The following ROBO1 variants were observed in gnomAD, a reference collection of about 807,000 sequenced individuals.
ROBO1 encodes roundabout homolog 1.
In ROBO1, 149 loss-of-function variants were observed where a neutral mutation model predicts 195.9. The ratio of observed to expected loss-of-function variants is 0.76; its 90% CI spans 0.67 to 0.87. ROBO1 has a LOEUF of 0.87. Among genes scored for constraint, ROBO1 ranks in the 40% least tolerant of loss-of-function variants. The pLI, the probability that ROBO1 is intolerant of heterozygous loss-of-function variation, is 0.00. For synonymous variants in ROBO1, 816 were observed against 733.2 expected, an observed-to-expected ratio of 1.11 and a Z score of -1.82; for missense variants, 1,933 against 2,068.3, an observed-to-expected ratio of 0.93 and a Z score of 1.27.
intron 2 of ROBO1, among the ~76,000 whole-genome samples, chr3:79,236,949 A>G (rs986292788): frequency 6.6e-5 from 10 of 152,124 alleles, no homozygotes; most frequent in African/African-American, 1.9e-4. Flanking sequence ...ACCTTGACTA[A>G]AAGAAGCCAA....
intron 3 of ROBO1, among the ~76,000 whole-genome samples, chr3:79,096,370 AT>A (rs1241698641): frequency 2.0e-5 from 3 of 151,970 alleles, no homozygotes; most frequent in Non-Finnish European, 4.4e-5. Context: ...AAGTAAATAA[AT>A]AGAGATGACA....
chr3:79,320,818 T>C (rs1398559800), intron 2 of ROBO1, among the ~76,000 whole-genome samples: 1 of 152,232 alleles, frequency 6.6e-6, no homozygotes, highest in African/African-American at 2.4e-5. Flanking sequence ...GAATCAGAGA[T>C]AAGTATTTAA....
chr3:79,498,631 A>T (rs988377497), intron 2 of ROBO1, among the ~76,000 whole-genome samples: 2 of 152,164 alleles, frequency 1.3e-5, no homozygotes, highest in Non-Finnish European at 2.9e-5. Flanking sequence ...AGGCAGGTGG[A>T]TTACCTGAGG....
At chr3:79,378,354 G>A (rs537599117) in intron 2 of ROBO1, among the ~76,000 whole-genome samples, 23 of 152,012 alleles carry the variant, frequency 1.5e-4, no homozygotes, top group Non-Finnish European at 3.2e-4. Context: ...CCATGCTGTG[G>A]TGCCTCCAGC....
intron 2 of ROBO1, among the ~76,000 whole-genome samples, chr3:79,537,445 G>T (rs574088401): frequency 6.6e-6 from 1 of 152,224 alleles, no homozygotes; most frequent in South Asian, 2.1e-4. Flanking sequence ...ATGGGACAAA[G>T]ATTCTATGGA....
chr3:79,275,151 T>C (rs2030921385), intron 2 of ROBO1, among the ~76,000 whole-genome samples: 1 of 152,018 alleles, frequency 6.6e-6, no homozygotes, highest in Non-Finnish European at 1.5e-5. Context: ...ATTACTCTAA[T>C]GCCAAAACCA....
intron 2 of ROBO1, among the ~76,000 whole-genome samples, chr3:79,460,922 G>C (rs944167391): frequency 2.0e-5 from 3 of 151,656 alleles, no homozygotes; most frequent in African/African-American, 7.3e-5. Context: ...TAATTTTTTT[G>C]TATTTTTAGT....
chr3:79,368,424 G>A (rs1382060256), intron 2 of ROBO1, among the ~76,000 whole-genome samples: 1 of 152,230 alleles, frequency 6.6e-6, no homozygotes, highest in East Asian at 1.9e-4. Context: ...CATTAAAAGA[G>A]AGTAGACTGC....
At chr3:79,181,719 T>C (rs1165169049) in intron 2 of ROBO1, among the ~76,000 whole-genome samples, 4 of 152,040 alleles carry the variant, frequency 2.6e-5, no homozygotes, top group Non-Finnish European at 4.4e-5. Flanking sequence ...CAAACACAGA[T>C]TTAAATAAAG....
chr3:79,472,463 T>C (rs897082370), intron 2 of ROBO1, among the ~76,000 whole-genome samples: 1 of 152,082 alleles, frequency 6.6e-6, no homozygotes, highest in Non-Finnish European at 1.5e-5. Context: ...TATTTTACCA[T>C]ACTAGGATAT....
intron 1 of ROBO1, among the ~76,000 whole-genome samples, chr3:79,701,645 C>A (rs1474377693): frequency 6.6e-6 from 1 of 151,644 alleles, no homozygotes; most frequent in Non-Finnish European, 1.5e-5. Context: ...TATCAAGTAG[C>A]TTTAGAGCTG....
At chr3:79,493,912 C>T (rs1051793427) in intron 2 of ROBO1, among the ~76,000 whole-genome samples, 3 of 152,044 alleles carry the variant, frequency 2.0e-5, no homozygotes, top group African/African-American at 7.2e-5. Flanking sequence ...ACTATAGTTA[C>T]CCTGCTGTAC....
At chr3:79,107,237 A>C (rs1367859591) in intron 3 of ROBO1, among the ~76,000 whole-genome samples, 2 of 151,496 alleles carry the variant, frequency 1.3e-5, no homozygotes, top group Non-Finnish European at 3.0e-5. Context: ...ATAACAAAAT[A>C]GGTGCTACGC....
At chr3:79,541,452 G>T (rs1379995275) in intron 2 of ROBO1, among the ~76,000 whole-genome samples, 1 of 152,058 alleles carries the variant, frequency 6.6e-6, no homozygotes, top group Non-Finnish European at 1.5e-5. Context: ...TTAGAGAAGG[G>T]AATGAGGCTA....
intron 5 of ROBO1, among the ~76,000 whole-genome samples, chr3:78,727,504 A>G (rs1042026948): frequency 6.6e-5 from 10 of 152,270 alleles, no homozygotes; most frequent in Admixed American, 6.5e-4. Context: ...CGGCACCTGT[A>G]GTCCCAGCTA....
intron 5 of ROBO1, among the ~76,000 whole-genome samples, chr3:78,722,589 T>A (rs1396449399): frequency 1.3e-5 from 2 of 152,176 alleles, no homozygotes; most frequent in African/African-American, 4.8e-5. Flanking sequence ...CTAAATAAGG[T>A]CAACTAAATA....
At chr3:79,599,184 A>ATCT (rs1944268045) in intron 1 of ROBO1, among the ~76,000 whole-genome samples, 2 of 152,108 alleles carry the variant, frequency 1.3e-5, no homozygotes, top group Non-Finnish European at 2.9e-5. Context: ...CTGCATGTGA[A>ATCT]GTATTCAAAA....
chr3:79,373,312 C>T (rs2036268066), intron 2 of ROBO1, among the ~76,000 whole-genome samples: 1 of 151,166 alleles, frequency 6.6e-6, no homozygotes, highest in African/African-American at 2.4e-5. Flanking sequence ...ATCTGTGTGT[C>T]TCTTGAGGGG....
intron 7 of ROBO1, chr3:78,714,973 C>G (rs2081863732): frequency 1.3e-5 from 2 of 152,704 alleles, no homozygotes; most frequent in Admixed American, 6.5e-5. Flanking sequence ...GGCCTTGGTC[C>G]TCATCTAGTT....
Sources: gnomAD v4.1 joint callset for allele counts (sites outside exome capture counted in the v4.1 genomes callset) on GRCh38, gnomAD v4.1.1 for gene constraint, MANE v1.5 for transcripts, NCBI Gene and HGNC (gene_info 2026-07-23, HGNC 2026-07-21) for gene names.